The following SPMIP10 variants were observed in gnomAD, a reference collection of about 807,000 sequenced individuals.
The protein encoded by SPMIP10 is sperm-associated microtubule inner protein 10.
chr5:126,634,261 A>G, the SPMIP10 span, among the ~76,000 whole-genome samples: 1 of 152,174 alleles, frequency 6.6e-6, no homozygotes, highest in South Asian at 2.1e-4. Context: ...GTGAAACCCC[A>G]TCTCTACTAA....
the SPMIP10 span, among the ~76,000 whole-genome samples, chr5:126,633,077 A>AT: frequency 2.4e-3 from 346 of 146,362 alleles, 4 homozygotes; most frequent in African/African-American, 8.8e-3. Flanking sequence ...TACAAAAACT[A>AT]TTTTGATGTA....
chr5:126,631,718 A>G, the SPMIP10 span: 5 of 1,533,964 alleles, frequency 3.3e-6, no homozygotes, highest in Admixed American at 6.7e-5. Context: ...TGAGTATTCC[A>G]TCCATTGCTG....
At chr5:126,633,588 G>A in the SPMIP10 span, among the ~76,000 whole-genome samples, 1 of 152,218 alleles carries the variant, frequency 6.6e-6, no homozygotes, top group South Asian at 2.1e-4. Context: ...TTGAACTCCT[G>A]AGCTCAAGCA....
At chr5:126,633,686 G>A in the SPMIP10 span, among the ~76,000 whole-genome samples, 1 of 152,014 alleles carries the variant, frequency 6.6e-6, no homozygotes, top group African/African-American at 2.4e-5. Context: ...TTAGAGACAG[G>A]ATCTCACTCT....
chr5:126,632,774 G>A, the SPMIP10 span: 4 of 611,360 alleles, frequency 6.5e-6, no homozygotes, highest in Admixed American at 7.4e-5. Context: ...GATCACTTGA[G>A]GTCAGGAGTT....
the SPMIP10 span, among the ~76,000 whole-genome samples, chr5:126,633,783 C>G: frequency 6.6e-6 from 1 of 152,136 alleles, no homozygotes; most frequent in African/African-American, 2.4e-5. Flanking sequence ...CCCACCTCAG[C>G]CTCCTGAGCA....
At chr5:126,632,596 C>T in the SPMIP10 span, 1 of 1,612,332 alleles carries the variant, frequency 6.2e-7, no homozygotes, top group Non-Finnish European at 8.5e-7. Context: ...GGGATGATCC[C>T]AAGACGTTAT....
At chr5:126,634,510 G>C in the SPMIP10 span, among the ~76,000 whole-genome samples, 1 of 152,096 alleles carries the variant, frequency 6.6e-6, no homozygotes, top group Non-Finnish European at 1.5e-5. Flanking sequence ...GGCATATCAA[G>C]GTCATTTTCA....
At chr5:126,633,646 C>T in the SPMIP10 span, among the ~76,000 whole-genome samples, 1 of 152,028 alleles carries the variant, frequency 6.6e-6, no homozygotes, top group Admixed American at 6.6e-5. Context: ...AGGAGTTAGC[C>T]ACCACACCGG....
the SPMIP10 span, chr5:126,635,994 G>A: frequency 6.6e-7 from 1 of 1,507,918 alleles, no homozygotes; most frequent in Non-Finnish European, 9.2e-7. Flanking sequence ...AGAAAATGAT[G>A]TTTGATGTGA....
At chr5:126,631,813 G>A in the SPMIP10 span, 5 of 1,599,624 alleles carry the variant, frequency 3.1e-6, no homozygotes, top group Non-Finnish European at 4.3e-6. Context: ...CTATAAATCT[G>A]CTAATAAGTA....
the SPMIP10 span, chr5:126,632,694 A>C: frequency 8.1e-7 from 1 of 1,229,092 alleles, no homozygotes; most frequent in Non-Finnish European, 1.2e-6. Context: ...AAAAACAAAA[A>C]CAAAAACATT....
chr5:126,632,656 T>A, the SPMIP10 span: 1 of 1,528,344 alleles, frequency 6.5e-7, no homozygotes, highest in South Asian at 1.1e-5. Context: ...AATCTGAAGG[T>A]ATTTCCCCAT....
chr5:126,634,994 G>A, the SPMIP10 span, among the ~76,000 whole-genome samples: 4 of 151,606 alleles, frequency 2.6e-5, no homozygotes, highest in South Asian at 2.1e-4. Context: ...GCAACATAGC[G>A]AGATCCTGTC....
the SPMIP10 span, among the ~76,000 whole-genome samples, chr5:126,633,312 TGA>T: frequency 6.6e-6 from 1 of 152,216 alleles, no homozygotes; most frequent in South Asian, 2.1e-4. Flanking sequence ...AGTTTACACA[TGA>T]TTTACCCATT....
the SPMIP10 span, chr5:126,635,971 T>A: frequency 7.0e-7 from 1 of 1,424,312 alleles, no homozygotes. Context: ...GAAACTTCCT[T>A]CTTAATCTAA....
chr5:126,631,723 TTGC>T, the SPMIP10 span: 1 of 1,571,128 alleles, frequency 6.4e-7, no homozygotes. Flanking sequence ...ATTCCATCCA[TTGC>T]TGTCAGGAAT....
the SPMIP10 span, chr5:126,636,100 G>C: frequency 1.7e-5 from 28 of 1,613,958 alleles, no homozygotes; most frequent in Non-Finnish European, 2.0e-5. Flanking sequence ...ACAGTGAAAG[G>C]CTTTGCCATG....
the SPMIP10 span, among the ~76,000 whole-genome samples, chr5:126,632,912 G>A: frequency 0.011 from 1,738 of 151,242 alleles, 7 homozygotes; most frequent in Middle Eastern, 0.024. Context: ...TCTTGAACCC[G>A]AGAGGCAGAG....
Sources: allele counts gnomAD v4.1 joint callset (sites outside exome capture counted in the v4.1 genomes callset), GRCh38; gene constraint gnomAD v4.1.1; transcripts MANE v1.5; gene names NCBI Gene and HGNC (gene_info 2026-07-23, HGNC 2026-07-21).